SLC44A1: variants seen among roughly 807,000 people sequenced by gnomAD.
SLC44A1 encodes the protein choline transporter-like protein 1.
A neutral mutation model predicts 79.3 loss-of-function variants in SLC44A1; 26 were observed. The ratio of observed to expected loss-of-function variants is 0.33; its 90% CI spans 0.24 to 0.46. The LOEUF (loss-of-function observed/expected upper bound fraction) is 0.46, where lower values mean the gene tolerates loss of function less well. Ranked by LOEUF, SLC44A1 falls within the 20% of genes least tolerant of loss-of-function variation. SLC44A1 has a pLI of 1.00. For missense variants in SLC44A1, 688 were observed against 798.1 expected, an observed-to-expected ratio of 0.86 and a Z score of 1.66; for synonymous variants, 263 against 286.2, an observed-to-expected ratio of 0.92 and a Z score of 0.82.
At chr9:105,376,314 TACACACACACACACAC>T (rs33933201) in intron 13 of SLC44A1, among the ~76,000 whole-genome samples, 4 of 139,138 alleles carry the variant, frequency 2.9e-5, no homozygotes, top group East Asian at 2.1e-4. Context: ...TATATATGTA[TACACACACACACACAC>T]ACACACACAC....
At position 105,392,403 on chromosome 9, in the gene SLC44A1, CTTTTTTTTTTTTT is replaced by C. The variant is rs57226567; in HGVS notation, c.*3362_*3374del. 1.1e-5 allele frequency: 7 copies of C among 610,892 alleles called. No individual in the cohort carries two copies. Among genetic ancestry groups the C allele is most frequent in the African/African-American group, 4.0e-5 (1 of 24,866 alleles). 37.8% of individuals were successfully genotyped at this position (610,892 alleles called of 1,614,324 possible). A position where few individuals can be genotyped will look rare whatever the true frequency, so the allele number is the denominator to read the frequency against. On this transcript the variant is annotated 3_prime_UTR_variant, in exon 16 of 16. Coordinates refer to ENST00000374720, the MANE Select transcript of SLC44A1 (RefSeq NM_080546.5). ...GTAGAGATGCTCTCTCTCTCTCTCTCTTTTTTTTTTTTTTTTTTTTTTTTTTTCCGTGAGGGCA... is the reference window on the plus strand; with the variant it reads ...GTAGAGATGCTCTCTCTCTCTCTCTCTTTTTTTTTTTTTTCCGTGAGGGCA...
At chr9:105,378,505 C>G (rs1828364694) in intron 13 of SLC44A1, among the ~76,000 whole-genome samples, 2 of 152,054 alleles carry the variant, frequency 1.3e-5, no homozygotes, top group African/African-American at 4.8e-5. Flanking sequence ...AGACCAGAAT[C>G]CTAGAATTAG....
chr9:105,392,649 A>G lies in SLC44A1; in HGVS notation c.*3593A>G, dbSNP rs533953056. 1.3e-5 allele frequency: 13 copies of G among 985,374 alleles called. No individual in the cohort carries two copies. Among genetic ancestry groups the G allele is most frequent in the East Asian group, 1.1e-4 (1 of 8,822 alleles). The allele number at this position is 985,374 out of a possible 1,614,324, so 61.0% of individuals were successfully genotyped here. ...CAGCTACAGGAACTGCAGGCACCAC[A>G]TATGTGTGAGGCCACATCACTGCCC... On this transcript the variant is annotated 3_prime_UTR_variant, in exon 16 of 16. Coordinates refer to ENST00000374720, the MANE Select transcript of SLC44A1 (RefSeq NM_080546.5).
intron 15 of SLC44A1, among the ~76,000 whole-genome samples, chr9:105,408,030 G>C (rs945924770): frequency 6.6e-6 from 1 of 151,668 alleles, no homozygotes; most frequent in Non-Finnish European, 1.5e-5. Flanking sequence ...AGCTGGCATA[G>C]TGGTAGGCGC....
chr9:105,311,479 G>A (rs1588765249), intron 3 of SLC44A1, among the ~76,000 whole-genome samples: 1 of 152,098 alleles, frequency 6.6e-6, no homozygotes, highest in East Asian at 1.9e-4. Context: ...TAAAGTTTGT[G>A]TAAATGCTAC....
intron 12 of SLC44A1, among the ~76,000 whole-genome samples, chr9:105,370,549 T>TG (rs1828064318): frequency 6.6e-6 from 1 of 152,136 alleles, no homozygotes; most frequent in Admixed American, 6.5e-5. Flanking sequence ...GCAGATGGAA[T>TG]GGGGCAGGGT....
At chr9:105,296,090 G>T (rs327989) in intron 1 of SLC44A1, among the ~76,000 whole-genome samples, 3,918 of 152,258 alleles carry the variant, frequency 0.026, 55 homozygotes, top group Middle Eastern at 0.099. Context: ...TAATAACAGA[G>T]AGAGGGTTAA....
At chr9:105,375,153 C>T (rs758347036) in intron 13 of SLC44A1, among the ~76,000 whole-genome samples, 5 of 152,112 alleles carry the variant, frequency 3.3e-5, no homozygotes, top group African/African-American at 4.8e-5. Flanking sequence ...GCAATTCTCC[C>T]GCTTCAGCCT....
chr9:105,337,008 C>T (rs1414919482), intron 4 of SLC44A1, among the ~76,000 whole-genome samples: 1 of 152,190 alleles, frequency 6.6e-6, no homozygotes, highest in African/African-American at 2.4e-5. Context: ...ATACTGGACA[C>T]TTGGTAGGTA....
rs2131492947 is a variant in SLC44A1, at chr9:105,396,173, C to T, written c.*7117C>T. On this transcript the variant is annotated 3_prime_UTR_variant, in exon 16 of 16. Coordinates refer to ENST00000374720, the MANE Select transcript of SLC44A1 (RefSeq NM_080546.5). ...GTGTTGTGTTGTTGGAGTTTTCTGACTTCTTCCCTATAAAAAGATACTGAG... is the reference window on the plus strand; with the variant it reads ...GTGTTGTGTTGTTGGAGTTTTCTGATTTCTTCCCTATAAAAAGATACTGAG... The T allele has an allele frequency of 1.0e-6, 1 of 985,338 alleles. No individual in the cohort carries two copies. Among genetic ancestry groups the T allele is most frequent in the African/African-American group, 1.7e-5 (1 of 57,324 alleles). 61.0% of individuals were successfully genotyped at this position (985,338 alleles called of 1,614,324 possible).
At chr9:105,433,934 A>T (rs949607659) in intron 15 of SLC44A1, among the ~76,000 whole-genome samples, 2 of 152,232 alleles carry the variant, frequency 1.3e-5, no homozygotes, top group Admixed American at 1.3e-4. Flanking sequence ...ACAGACATCA[A>T]AACAAAGAGA....
chr9:105,431,115 C>A (rs983765561), intron 15 of SLC44A1, among the ~76,000 whole-genome samples: 2 of 152,172 alleles, frequency 1.3e-5, no homozygotes, highest in African/African-American at 4.8e-5. Context: ...ACCCAGAAAT[C>A]ATTGTTTAAT....
Position 105,392,012 on chromosome 9 carries a change from TA to T in SLC44A1, c.*2958del. 1.0e-6 allele frequency: 1 copy of T among 985,336 alleles called. No homozygotes were observed. Among genetic ancestry groups the T allele is most frequent in the Non-Finnish European group, 1.2e-6 (1 of 829,902 alleles). The allele number at this position is 985,336 out of a possible 1,614,324, so 61.0% of individuals were successfully genotyped here. A position where few individuals can be genotyped will look rare whatever the true frequency, so the allele number is the denominator to read the frequency against. Reference sequence around the variant, plus strand: ...ACTTTCTAAGCTCCTGCCTGAAGAATAAGGTCTTCCATAATATGGAAGAGAA... The same window carrying T: ...ACTTTCTAAGCTCCTGCCTGAAGAATAGGTCTTCCATAATATGGAAGAGAA... On this transcript the variant is annotated 3_prime_UTR_variant, in exon 16 of 16. Transcript: ENST00000374720.
intron 15 of SLC44A1, among the ~76,000 whole-genome samples, chr9:105,414,125 C>T (rs1239604960): frequency 6.6e-6 from 1 of 151,112 alleles, no homozygotes; most frequent in Non-Finnish European, 1.5e-5. Flanking sequence ...TGCAGTGGCA[C>T]GATCTTGGCT....
chr9:105,267,286 A>G (rs531753181), intron 1 of SLC44A1, among the ~76,000 whole-genome samples: 3 of 152,230 alleles, frequency 2.0e-5, no homozygotes, highest in African/African-American at 4.8e-5. Flanking sequence ...TTCTCTCTCA[A>G]ACCTTTTAGG....
intron 2 of SLC44A1, among the ~76,000 whole-genome samples, chr9:105,301,540 G>T (rs1830879903): frequency 1.3e-5 from 2 of 152,166 alleles, no homozygotes; most frequent in East Asian, 3.9e-4. Context: ...CTGAGTATTT[G>T]TTTTAAACGA....
intron 1 of SLC44A1, among the ~76,000 whole-genome samples, chr9:105,279,220 G>A (rs1830288923): frequency 6.9e-6 from 1 of 145,560 alleles, no homozygotes; most frequent in African/African-American, 2.5e-5. Context: ...TATTCAGTAA[G>A]AACAACTTTA....
chr9:105,255,246 A>G (rs551945696), intron 1 of SLC44A1, among the ~76,000 whole-genome samples: 1 of 152,260 alleles, frequency 6.6e-6, no homozygotes, highest in African/African-American at 2.4e-5. Context: ...AAATATGTTC[A>G]ATCTTGTTAA....
chr9:105,250,765 T>TG (rs1588700565), intron 1 of SLC44A1, among the ~76,000 whole-genome samples: 1 of 152,208 alleles, frequency 6.6e-6, no homozygotes, highest in East Asian at 1.9e-4. Flanking sequence ...GGCTGCACAT[T>TG]GGAATCACTT....
Sources: allele counts gnomAD v4.1 joint callset (sites outside exome capture counted in the v4.1 genomes callset), GRCh38; gene constraint gnomAD v4.1.1; transcripts MANE v1.5; gene names NCBI Gene and HGNC (gene_info 2026-07-23, HGNC 2026-07-21).